The following RALA variants were observed in gnomAD, a reference collection of about 807,000 sequenced individuals.
The protein encoded by RALA is RAS like proto-oncogene A.
In RALA, 5 loss-of-function variants were observed where a neutral mutation model predicts 24.0. That is an observed-to-expected ratio of 0.21 (90% CI 0.11 to 0.44). RALA has a LOEUF of 0.44. RALA is among the 20% of genes least tolerant of loss of function. The pLI, the probability that RALA is intolerant of heterozygous loss-of-function variation, is 0.99. For synonymous variants in RALA, 77 were observed against 83.8 expected (o/e 0.92, Z 0.44); for missense variants, 95 against 241.2 (o/e 0.39, Z 4.01).
rs546963286 is a variant in RALA, at chr7:39,639,428, G to A, written c.-38+15603G>A. ...TAAAAAAGAAATGGCGGTGATGTGC[G>A]CACGTAGTCCCAGCTCCATGAGAGG... On this transcript the variant is annotated intron_variant, in intron 1 of 4. Coordinates refer to ENST00000005257, the MANE Select transcript of RALA (RefSeq NM_005402.4). Among the ~76,000 whole-genome samples the A allele has an allele frequency of 7.9e-5, 12 of 152,262 alleles. No individual in the cohort carries two copies. In the South Asian group the frequency reaches 1.9e-3, roughly 24 times the overall value.
intron 1 of RALA, among the ~76,000 whole-genome samples, chr7:39,632,398 A>G (rs1184661469): frequency 6.6e-6 from 1 of 152,196 alleles, no homozygotes; most frequent in African/African-American, 2.4e-5. Context: ...AGAGGTACTG[A>G]TTGCTTCATT....
chr7:39,628,109 G>GC (rs1791525393), intron 1 of RALA, among the ~76,000 whole-genome samples: 1 of 150,206 alleles, frequency 6.7e-6, no homozygotes, highest in Admixed American at 6.7e-5. Flanking sequence ...TGGAATTCTA[G>GC]CCTCTCTTCC....
intron 1 of RALA, among the ~76,000 whole-genome samples, chr7:39,667,635 A>G (rs1312958236): frequency 6.6e-6 from 1 of 152,232 alleles, no homozygotes; most frequent in African/African-American, 2.4e-5. Flanking sequence ...CTATTAATTA[A>G]AGGAATATAA....
chr7:39,661,529 C>T (rs1792190271), intron 1 of RALA, among the ~76,000 whole-genome samples: 1 of 152,184 alleles, frequency 6.6e-6, no homozygotes, highest in African/African-American at 2.4e-5. Context: ...GGGCCAAAGG[C>T]CCTATGCAAG....
At position 39,690,555 on chromosome 7, in the gene RALA, A is replaced by G. The variant is rs777108216; in HGVS notation, c.288A>G (p.Thr96=). Residue 96 remains threonine (T), a synonymous_variant, in exon 3 of 5, where the codon ACA becomes ACG. Coordinates refer to ENST00000005257, the MANE Select transcript of RALA (RefSeq NM_005402.4). ...GEGFLCVFSI[T]EMESFAATAD... ...GGTTCCTCTGTGTTTTCTCTATTACAGAAATGGAATCCTTTGCAGCTACAG... is the reference window on the plus strand; with the variant it reads ...GGTTCCTCTGTGTTTTCTCTATTACGGAAATGGAATCCTTTGCAGCTACAG... 6.2e-7 allele frequency: 1 copy of G among 1,613,652 alleles called. No individual in the cohort carries two copies. The highest frequency in any genetic ancestry group is 1.1e-5 in the South Asian group (1 of 91,046).
At chr7:39,688,933 G>T (rs1792759957) in intron 2 of RALA, among the ~76,000 whole-genome samples, 1 of 152,160 alleles carries the variant, frequency 6.6e-6, no homozygotes, top group Non-Finnish European at 1.5e-5. Flanking sequence ...GAAAGCAAGT[G>T]CATCCTCACA....
At chr7:39,669,102 G>A (rs1258784396) in intron 1 of RALA, among the ~76,000 whole-genome samples, 1 of 152,138 alleles carries the variant, frequency 6.6e-6, no homozygotes, top group African/African-American at 2.4e-5. Context: ...GACAGAGCAA[G>A]ATTCTGTCTG....
chr7:39,627,913 A>G (rs1192278036), intron 1 of RALA, among the ~76,000 whole-genome samples: 1 of 152,140 alleles, frequency 6.6e-6, no homozygotes, highest in Non-Finnish European at 1.5e-5. Context: ...TTAATCTCAT[A>G]TACAAAACCT....
At chr7:39,643,279 C>T (rs1791852566) in intron 1 of RALA, among the ~76,000 whole-genome samples, 1 of 152,196 alleles carries the variant, frequency 6.6e-6, no homozygotes. Flanking sequence ...ATTAGGTTAT[C>T]ACCCAGAACC....
intron 1 of RALA, among the ~76,000 whole-genome samples, chr7:39,657,544 C>G (rs1402471556): frequency 6.6e-6 from 1 of 152,158 alleles, no homozygotes; most frequent in Non-Finnish European, 1.5e-5. Context: ...GCCCTACTTT[C>G]TGTGGGGTCT....
intron 1 of RALA, among the ~76,000 whole-genome samples, chr7:39,630,004 C>T (rs750074787): frequency 1.3e-5 from 2 of 152,074 alleles, no homozygotes; most frequent in Non-Finnish European, 2.9e-5. Flanking sequence ...GCTAGGATTA[C>T]AGGCGTGAGC....
intron 4 of RALA, chr7:39,697,554 G>T: frequency 2.3e-6 from 1 of 430,660 alleles, no homozygotes; most frequent in African/African-American, 2.0e-5. Flanking sequence ...TCTTTCTTCA[G>T]CCTGCAAGTA....
intron 4 of RALA, among the ~76,000 whole-genome samples, chr7:39,700,003 T>G (rs1202211753): frequency 6.6e-6 from 1 of 152,180 alleles, no homozygotes; most frequent in Non-Finnish European, 1.5e-5. Flanking sequence ...GCTGGCTTTT[T>G]GCATCCATGT....
At chr7:39,670,987 A>G (rs978042805) in intron 1 of RALA, among the ~76,000 whole-genome samples, 3 of 152,010 alleles carry the variant, frequency 2.0e-5, no homozygotes, top group South Asian at 4.1e-4. Context: ...TACCATAGTC[A>G]CTTAAGCTAG....
At chr7:39,684,130 T>C (rs1792653456) in intron 1 of RALA, among the ~76,000 whole-genome samples, 1 of 152,204 alleles carries the variant, frequency 6.6e-6, no homozygotes, top group Non-Finnish European at 1.5e-5. Flanking sequence ...TGAGCAGTGA[T>C]AAGCACTCAC....
intron 1 of RALA, among the ~76,000 whole-genome samples, chr7:39,654,525 A>G (rs1352306239): frequency 6.6e-6 from 1 of 152,150 alleles, no homozygotes. Flanking sequence ...TTAACCTTCA[A>G]AGACTGGAAG....
chr7:39,656,965 TTTTTG>T (rs1156487169), intron 1 of RALA, among the ~76,000 whole-genome samples: 2 of 152,142 alleles, frequency 1.3e-5, no homozygotes, highest in African/African-American at 2.4e-5. Context: ...TTTTTGTGTT[TTTTTG>T]TTTTGTTTTG....
chr7:39,698,216 C>T (rs1005234017), intron 4 of RALA, among the ~76,000 whole-genome samples: 6 of 152,096 alleles, frequency 3.9e-5, no homozygotes, highest in East Asian at 3.9e-4. Flanking sequence ...GACGTAATTA[C>T]GACCCAAAGG....
intron 1 of RALA, among the ~76,000 whole-genome samples, chr7:39,660,735 A>G (rs1299584927): frequency 6.6e-6 from 1 of 152,222 alleles, no homozygotes; most frequent in Non-Finnish European, 1.5e-5. Flanking sequence ...ATTTACAACA[A>G]TTTGAAAAAA....
Sources: allele counts gnomAD v4.1 joint callset (sites outside exome capture counted in the v4.1 genomes callset), GRCh38; gene constraint gnomAD v4.1.1; transcripts MANE v1.5; gene names NCBI Gene and HGNC (gene_info 2026-07-23, HGNC 2026-07-21).